DPF3: variants seen among roughly 807,000 people sequenced by gnomAD.
The protein encoded by DPF3 is zinc finger protein DPF3.
A neutral mutation model predicts 56.8 loss-of-function variants in DPF3; 18 were observed. That is an observed-to-expected ratio of 0.32 (90% CI 0.22 to 0.47). The LOEUF (loss-of-function observed/expected upper bound fraction) is 0.47, where lower values mean the gene tolerates loss of function less well. Among genes scored for constraint, DPF3 ranks in the 20% least tolerant of loss-of-function variants. The pLI, the probability that DPF3 is intolerant of heterozygous loss-of-function variation, is 1.00. For synonymous variants in DPF3, 188 were observed against 180.2 expected (o/e 1.04, Z -0.35); for missense variants, 403 against 488.8 (o/e 0.82, Z 1.65).
At chr14:72,809,425 G>C (rs1882933091) in intron 1 of DPF3, among the ~76,000 whole-genome samples, 1 of 152,182 alleles carries the variant, frequency 6.6e-6, no homozygotes, top group South Asian at 2.1e-4. Flanking sequence ...TTACCAGAAA[G>C]AGTGAGAAGT....
chr14:72,724,460 A>C (rs1433139614), intron 4 of DPF3, among the ~76,000 whole-genome samples: 1 of 152,116 alleles, frequency 6.6e-6, no homozygotes, highest in Admixed American at 6.5e-5. Flanking sequence ...TCATCGGCTC[A>C]GGGTTCCCCA....
intron 1 of DPF3, among the ~76,000 whole-genome samples, chr14:72,856,167 A>G (rs993378459): frequency 6.6e-5 from 10 of 152,274 alleles, no homozygotes; most frequent in African/African-American, 2.2e-4. Flanking sequence ...GAGGATGTCT[A>G]TGGTTCTTTC....
intron 8 of DPF3, among the ~76,000 whole-genome samples, chr14:72,635,714 T>G (rs753982409): frequency 3.9e-5 from 6 of 152,256 alleles, no homozygotes; most frequent in Non-Finnish European, 7.3e-5. Flanking sequence ...CAGTTCATTT[T>G]CAACAAACCC....
intron 1 of DPF3, among the ~76,000 whole-genome samples, chr14:72,779,729 C>T (rs956539346): frequency 6.6e-6 from 1 of 152,222 alleles, no homozygotes. Context: ...AATCAATAGC[C>T]ATTCCTTTCT....
chr14:72,819,511 CA>C (rs200288803), intron 1 of DPF3, among the ~76,000 whole-genome samples: 1 of 145,508 alleles, frequency 6.9e-6, no homozygotes, highest in Non-Finnish European at 1.5e-5. Flanking sequence ...AAAAACTCAG[CA>C]AAAAAAAAGA....
chr14:72,658,083 G>C (rs1886106345), intron 8 of DPF3, among the ~76,000 whole-genome samples: 1 of 152,168 alleles, frequency 6.6e-6, no homozygotes, highest in Non-Finnish European at 1.5e-5. Flanking sequence ...AATACTATTT[G>C]ATGGCACAGT....
intron 8 of DPF3, among the ~76,000 whole-genome samples, chr14:72,632,927 G>T (rs1885256203): frequency 6.6e-6 from 1 of 151,898 alleles, no homozygotes; most frequent in Admixed American, 6.6e-5. Flanking sequence ...AATTGTTGAG[G>T]GGTGGGAGGG....
At chr14:72,657,656 G>A (rs1044653682) in intron 8 of DPF3, among the ~76,000 whole-genome samples, 2 of 152,100 alleles carry the variant, frequency 1.3e-5, no homozygotes, top group African/African-American at 4.8e-5. Context: ...CAACTGAGCA[G>A]TGCAATACTC....
intron 1 of DPF3, among the ~76,000 whole-genome samples, chr14:72,875,081 C>T (rs1811758556): frequency 6.6e-6 from 1 of 152,158 alleles, no homozygotes; most frequent in African/African-American, 2.4e-5. Context: ...ATAAACCCAC[C>T]AGATCTTGTG....
chr14:72,619,426 C>G, intron 10 of DPF3, 59 bp from the exon 11 acceptor site: 1 of 1,510,230 alleles, frequency 6.6e-7, no homozygotes, highest in African/African-American at 1.4e-5. Flanking sequence ...AGCCCCACCC[C>G]ACTGGCCCTA....
intron 8 of DPF3, among the ~76,000 whole-genome samples, chr14:72,643,717 C>A (rs139754003): frequency 1.5e-3 from 236 of 152,360 alleles, no homozygotes; most frequent in Non-Finnish European, 2.7e-3. Flanking sequence ...CACCAGCTTT[C>A]CCTGTGAAGC....
intron 8 of DPF3, chr14:72,662,938 T>TAAAA: frequency 8.8e-6 from 5 of 568,138 alleles, no homozygotes; most frequent in African/African-American, 8.6e-5. Context: ...TGAAATGAAT[T>TAAAA]AAAAAAAAAA....
intron 1 of DPF3, among the ~76,000 whole-genome samples, chr14:72,812,623 C>G (rs984016200): frequency 6.6e-6 from 1 of 152,042 alleles, no homozygotes; most frequent in African/African-American, 2.4e-5. Context: ...ACGGAGAGTA[C>G]GCTGGGCCCG....
At chr14:72,820,511 G>GC (rs1883485589) in intron 1 of DPF3, among the ~76,000 whole-genome samples, 1 of 152,020 alleles carries the variant, frequency 6.6e-6, no homozygotes, top group Admixed American at 6.5e-5. Context: ...GACAAGATGA[G>GC]CACTCTTCTG....
chr14:72,805,836 CTCTG>C (rs1882753431), intron 1 of DPF3, among the ~76,000 whole-genome samples: 1 of 152,028 alleles, frequency 6.6e-6, no homozygotes, highest in South Asian at 2.1e-4. Context: ...CAGAGCAAGA[CTCTG>C]TCTCAAAAAT....
At chr14:72,620,129 C>T in intron 9 of DPF3, 145 bp from the exon 10 acceptor site, 1 of 702,706 alleles carries the variant, frequency 1.4e-6, no homozygotes, top group African/African-American at 1.8e-5. Context: ...CTCACTGTCC[C>T]CTGAACACGC....
intron 7 of DPF3, among the ~76,000 whole-genome samples, chr14:72,689,308 C>T (rs1887572501): frequency 6.6e-6 from 1 of 152,324 alleles, no homozygotes; most frequent in Non-Finnish European, 1.5e-5. Context: ...AACCCTGTGT[C>T]TGTAAGGCTG....
chr14:72,629,492 C>A, intron 9 of DPF3, 132 bp downstream of exon 9: 2 of 739,136 alleles, frequency 2.7e-6, no homozygotes, highest in Non-Finnish European at 4.4e-6. Context: ...GGGCTAATGG[C>A]CAGGTTGCTC....
intron 1 of DPF3, among the ~76,000 whole-genome samples, chr14:72,789,007 C>CT (rs1012449585): frequency 6.6e-6 from 1 of 152,206 alleles, no homozygotes; most frequent in Non-Finnish European, 1.5e-5. Context: ...TTCCTATCCC[C>CT]AGTCCAGCCC....
Sources: gnomAD v4.1 joint callset for allele counts (sites outside exome capture counted in the v4.1 genomes callset) on GRCh38, gnomAD v4.1.1 for gene constraint, MANE v1.5 for transcripts, NCBI Gene and HGNC (gene_info 2026-07-23, HGNC 2026-07-21) for gene names.